IRAG1: variants seen among roughly 807,000 people sequenced by gnomAD.
IRAG1 encodes the protein IP3R-associated cGMP kinase substrate.
A neutral mutation model predicts 106.2 loss-of-function variants in IRAG1; 62 were observed. The observed-to-expected ratio is 0.58, with a 90% CI of 0.48 to 0.72. The LOEUF (loss-of-function observed/expected upper bound fraction) is 0.72, where lower values mean the gene tolerates loss of function less well. Ranked by LOEUF, IRAG1 falls within the 30% of genes least tolerant of loss-of-function variation. IRAG1 has a pLI of 0.00. For missense variants in IRAG1, 1,064 were observed against 1,140.7 expected (o/e 0.93, Z 0.97); for synonymous variants, 462 against 443.9 (o/e 1.04, Z -0.51).
intron 2 of IRAG1, among the ~76,000 whole-genome samples, chr11:10,637,028 T>C (rs145039546): frequency 2.5e-4 from 38 of 152,332 alleles, no homozygotes; most frequent in African/African-American, 9.1e-4. Flanking sequence ...CTAATGAGTT[T>C]GGTCTTTATG....
intron 12 of IRAG1, among the ~76,000 whole-genome samples, chr11:10,605,965 A>C (rs529228179): frequency 1.3e-5 from 2 of 152,010 alleles, no homozygotes; most frequent in African/African-American, 4.8e-5. Flanking sequence ...TTATTTACTC[A>C]CTCAGTTTTC....
chr11:10,602,453 T>C (rs951399021), intron 14 of IRAG1, among the ~76,000 whole-genome samples: 3 of 152,122 alleles, frequency 2.0e-5, no homozygotes, highest in African/African-American at 7.2e-5. Flanking sequence ...CGAATGAAGG[T>C]TGGAGCCAGG....
chr11:10,693,437 G>T, intron 1 of IRAG1, 99 bp downstream of exon 1: 1 of 1,483,120 alleles, frequency 6.7e-7, no homozygotes, highest in South Asian at 1.3e-5. Flanking sequence ...TTAAAGTTTA[G>T]CACCCCCATC....
At chr11:10,617,290 A>G (rs1019256276) in intron 10 of IRAG1, 26 of 648,052 alleles carry the variant, frequency 4.0e-5, no homozygotes, top group Admixed American at 6.3e-5. Context: ...ATTTCTTACA[A>G]TAGTACTGCA....
intron 14 of IRAG1, among the ~76,000 whole-genome samples, chr11:10,601,521 G>A (rs1021598691): frequency 1.3e-5 from 2 of 152,150 alleles, no homozygotes; most frequent in Admixed American, 6.5e-5. Context: ...AGAAAGGCAC[G>A]ACGACAAATT....
chr11:10,618,199 TC>T (rs1031577536), intron 10 of IRAG1, among the ~76,000 whole-genome samples: 26 of 152,120 alleles, frequency 1.7e-4, no homozygotes, highest in African/African-American at 5.8e-4. Context: ...GCTTCTGCTG[TC>T]CCCCTGCTTG....
intron 8 of IRAG1, among the ~76,000 whole-genome samples, chr11:10,627,376 G>C (rs1188694442): frequency 6.6e-6 from 1 of 152,132 alleles, no homozygotes. Flanking sequence ...CCCAGGCAGG[G>C]GCTGGCGCTT....
rs1465268646 is a variant in IRAG1 at position 10,594,071 on chromosome 11, ATGAT to A, written c.2067+71_2067+74del. 8 of 1,360,880 alleles carry A rather than the reference ATGAT, an allele frequency of 5.9e-6. No individual in the cohort carries two copies. The East Asian group carries it at 1.5e-4, about 25-fold the overall frequency. 84.3% of individuals were successfully genotyped at this position (1,360,880 alleles called of 1,614,324 possible). A position where few individuals can be genotyped will look rare whatever the true frequency, so the allele number is the denominator to read the frequency against. The stretch of plus-strand genomic sequence containing the variant: ...CTGGCATCCATGGATCCCAGAATGA[ATGAT>A]TGTTTGGGTGACCATGGAAACTTCT... On this transcript the variant is annotated intron_variant, in intron 16 of 20. Coordinates refer to ENST00000423302, the MANE Select transcript of IRAG1 (RefSeq NM_130385.4).
intron 16 of IRAG1, 200 bp from the exon 17 acceptor site, chr11:10,593,799 G>A (rs1489625482): frequency 8.6e-6 from 5 of 582,758 alleles, no homozygotes; most frequent in South Asian, 4.1e-5. Flanking sequence ...GTGAGTGAAC[G>A]CTCAATCTGT....
At chr11:10,608,398 AG>A (rs1854656120) in intron 11 of IRAG1, among the ~76,000 whole-genome samples, 1 of 152,086 alleles carries the variant, frequency 6.6e-6, no homozygotes, top group Non-Finnish European at 1.5e-5. Context: ...ACAAAGTGCT[AG>A]GATTACAGGT....
intron 10 of IRAG1, among the ~76,000 whole-genome samples, chr11:10,611,972 A>G (rs1356359222): frequency 2.0e-5 from 3 of 152,206 alleles, no homozygotes; most frequent in Non-Finnish European, 4.4e-5. Context: ...GAAAGGCAGA[A>G]TGATCGCACA....
At chr11:10,616,290 CAAAAA>C (rs71034776) in intron 10 of IRAG1, among the ~76,000 whole-genome samples, 1 of 117,354 alleles carries the variant, frequency 8.5e-6, no homozygotes, top group African/African-American at 3.2e-5. Context: ...GACTCCATCT[CAAAAA>C]AAAAAAAAAA....
rs760751365 is a variant in IRAG1 at position 10,594,180 on chromosome 11, C to A, written c.2033G>T (p.Arg678Leu). ...CGTGAGGGACATGGACCGTGCCGTG[C>A]GAGGGACCCCATCTTCTGCAGCAGG... Reference protein sequence around the residue: ...SCGPSEDGVPRTARSMSLTLG... With the variant: ...SCGPSEDGVPLTARSMSLTLG... The change falls in exon 16 of 21, where the codon CGC becomes CTC. Residue 678 changes from arginine (R) to leucine (L), a missense_variant. Coordinates refer to ENST00000423302, the MANE Select transcript of IRAG1 (RefSeq NM_130385.4). 5.6e-6 allele frequency: 9 copies of A among 1,609,940 alleles called. No homozygotes were observed. Among genetic ancestry groups the A allele is most frequent in the Non-Finnish European group, 7.6e-6 (9 of 1,178,350 alleles).
At chr11:10,687,825 C>T in intron 1 of IRAG1, 2 of 1,287,896 alleles carry the variant, frequency 1.6e-6, no homozygotes, top group South Asian at 1.2e-5. Context: ...CTAATGTATA[C>T]CGAGTGCTAA....
At position 10,604,093 on chromosome 11, in the gene IRAG1, T is replaced by A. The variant is rs528212725; in HGVS notation, c.1743+312A>T. On this transcript the variant is annotated intron_variant, in intron 13 of 20. Transcript: ENST00000423302. ...GCAGGGCCTGGGCCACAGTTTCTTCTGGTGCTTGGAGAAGCCCAATGTGAA... is the reference window on the plus strand; with the variant it reads ...GCAGGGCCTGGGCCACAGTTTCTTCAGGTGCTTGGAGAAGCCCAATGTGAA... Among the ~76,000 whole-genome samples, 9 of 152,346 alleles carry A rather than the reference T, an allele frequency of 5.9e-5. No individual in the cohort carries two copies. The South Asian group carries it at 1.9e-3, about 32-fold the overall frequency.
At chr11:10,629,200 A>T (rs946965206) in intron 5 of IRAG1, among the ~76,000 whole-genome samples, 2 of 152,122 alleles carry the variant, frequency 1.3e-5, no homozygotes, top group African/African-American at 4.8e-5. Flanking sequence ...TGTCCTCCTA[A>T]GTACACTTAC....
chr11:10,629,797 G>T (rs1298863473), intron 4 of IRAG1, 86 bp from the exon 5 acceptor site: 3 of 1,413,396 alleles, frequency 2.1e-6, no homozygotes, highest in Non-Finnish European at 2.9e-6. Context: ...TCATCCCAGG[G>T]ACTCTGCCCA....
rs550605248 is a variant in IRAG1 at position 10,656,003 on chromosome 11, T to C, written c.68-3821A>G. On this transcript the variant is annotated intron_variant, in intron 1 of 20. Transcript: ENST00000423302. ...CCTGCCCTGTTTGCTGTCTCTCCCA[T>C]CCATTATTATAAACTCGCTGCTTAA... Among the ~76,000 whole-genome samples the C allele has an allele frequency of 1.2e-3, 187 of 152,182 alleles. 1 individual carries two copies. Among genetic ancestry groups the C allele is most frequent in the Non-Finnish European group, 2.1e-3 (143 of 68,014 alleles).
In IRAG1 at chr11:10,652,285, T is replaced by C. The variant is rs1343925146; in HGVS notation, c.68-103A>G. 15 of 1,547,298 alleles carry C rather than the reference T, an allele frequency of 9.7e-6. No individual in the cohort carries two copies. In the East Asian group the frequency reaches 3.5e-4, roughly 36 times the overall value. On this transcript the variant is annotated intron_variant, in intron 1 of 20. Coordinates refer to ENST00000423302, the MANE Select transcript of IRAG1 (RefSeq NM_130385.4). ...AGCCACAGTGAGAGCCGGCTTGAGT[T>C]TGCATCAACACCGGAGGTCAAACCA...
Sources: gnomAD v4.1 joint callset for allele counts (sites outside exome capture counted in the v4.1 genomes callset) on GRCh38, gnomAD v4.1.1 for gene constraint, MANE v1.5 for transcripts, NCBI Gene and HGNC (gene_info 2026-07-23, HGNC 2026-07-21) for gene names.